PUS10: variants seen among roughly 807,000 people sequenced by gnomAD.
PUS10 encodes the protein pseudouridine synthase 10.
PUS10 carries 59 observed loss-of-function variants against 75.0 expected under a neutral mutation model. That is an observed-to-expected ratio of 0.79 (90% CI 0.64 to 0.98). The LOEUF is 0.98. PUS10 is among the 50% of genes least tolerant of loss of function. The pLI is 0.00. For synonymous variants in PUS10, 219 were observed against 211.6 expected (o/e 1.03, Z -0.30); for missense variants, 650 against 614.4 (o/e 1.06, Z -0.61).
intron 6 of PUS10, chr2:60,966,615 C>T (rs1676358972): frequency 6.6e-6 from 1 of 152,272 alleles, no homozygotes; most frequent in Non-Finnish European, 1.5e-5. Flanking sequence ...AAATATTTTG[C>T]ATTAATGACT....
At chr2:60,960,661 A>G (rs190387889) in intron 10 of PUS10, 144 bp from the exon 11 acceptor site, 12 of 618,846 alleles carry the variant, frequency 1.9e-5, no homozygotes, top group African/African-American at 9.8e-5. Flanking sequence ...TAACAATCCA[A>G]TTTGGAGACC....
At chr2:61,016,633 G>A (rs755183765) in intron 1 of PUS10, among the ~76,000 whole-genome samples, 35 of 152,236 alleles carry the variant, frequency 2.3e-4, no homozygotes, top group Admixed American at 7.2e-4. Context: ...GGCTCCCTAG[G>A]AGGACTGAAT....
chr2:60,984,332 G>C (rs1194450642), intron 4 of PUS10, among the ~76,000 whole-genome samples: 2 of 152,120 alleles, frequency 1.3e-5, no homozygotes, highest in Non-Finnish European at 2.9e-5. Flanking sequence ...CATATAAAAA[G>C]ATGTAAAAGT....
At chr2:60,948,269 T>C (rs1675113790) in intron 15 of PUS10, 84 bp from the exon 16 acceptor site, 2 of 1,333,836 alleles carry the variant, frequency 1.5e-6, no homozygotes, top group African/African-American at 2.9e-5. Context: ...TCACCATCCA[T>C]AGCTCACCAC....
Position 60,965,415 on chromosome 2 carries a change from C to T in PUS10, c.677+8G>A, listed in dbSNP as rs1558902797. ...TACACCATTGACGTTGTTTACATGG[C>T]AACTTACAGGAAGTGGCAATCCTCA... On this transcript the variant is annotated splice_region_variant and intron_variant, in intron 7 of 17. Transcript: ENST00000316752. 2.5e-6 allele frequency: 4 copies of T among 1,607,306 alleles called. No individual in the cohort carries two copies. The Admixed American group carries it at 6.8e-5, about 27-fold the overall frequency.
chr2:60,989,903 G>T (rs773782333), intron 4 of PUS10, among the ~76,000 whole-genome samples: 2 of 152,062 alleles, frequency 1.3e-5, no homozygotes, highest in African/African-American at 2.4e-5. Flanking sequence ...AAGATTACAG[G>T]CATGAGCCAC....
intron 5 of PUS10, among the ~76,000 whole-genome samples, chr2:60,968,697 A>G (rs1676489284): frequency 6.6e-6 from 1 of 152,152 alleles, no homozygotes; most frequent in Non-Finnish European, 1.5e-5. Context: ...TAAAAAAAAG[A>G]AAGAAGTAGT....
intron 15 of PUS10, among the ~76,000 whole-genome samples, chr2:60,948,731 T>C (rs992279456): frequency 3.3e-5 from 5 of 152,232 alleles, no homozygotes; most frequent in Non-Finnish European, 7.3e-5. Flanking sequence ...TTAGCCCAGC[T>C]TGCAACTAAT....
Position 60,959,872 on chromosome 2 carries a change from A to C in PUS10, c.1000+520T>G, listed in dbSNP as rs1377492814. 2.0e-5 allele frequency among the ~76,000 whole-genome samples: 3 copies of C among 152,088 alleles called. No homozygotes were observed. In the East Asian group the frequency reaches 5.8e-4, roughly 29 times the overall value. On this transcript the variant is annotated intron_variant, in intron 11 of 17. Coordinates refer to ENST00000316752, the MANE Select transcript of PUS10 (RefSeq NM_144709.4). ...CCTGCCACCCCCAAGAAATCTATTC[A>C]TGAATGTCAGTGTATTAAATATATG...
intron 4 of PUS10, among the ~76,000 whole-genome samples, chr2:61,003,461 C>CAAAA (rs1315443074): frequency 2.8e-5 from 2 of 71,058 alleles, no homozygotes; most frequent in Non-Finnish European, 2.9e-5. Context: ...GACCCTGTCT[C>CAAAA]AAAAAAAAAA....
chr2:60,957,260 A>G (rs1244429309), intron 11 of PUS10, among the ~76,000 whole-genome samples: 5 of 152,194 alleles, frequency 3.3e-5, no homozygotes, highest in African/African-American at 1.2e-4. Flanking sequence ...ATGATCAGGA[A>G]CTATAAGTGG....
intron 6 of PUS10, chr2:60,966,288 G>C (rs1269782374): frequency 2.0e-5 from 3 of 152,016 alleles, no homozygotes; most frequent in Non-Finnish European, 4.4e-5. Flanking sequence ...CCTCCATGGA[G>C]AATATACAAA....
chr2:60,960,168 A>AAG (rs1051821050), intron 11 of PUS10, among the ~76,000 whole-genome samples: 5 of 148,014 alleles, frequency 3.4e-5, no homozygotes, highest in East Asian at 1.9e-4. Context: ...AAAAAAAAAA[A>AAG]AGAGAGAGAG....
intron 4 of PUS10, among the ~76,000 whole-genome samples, chr2:60,998,359 AT>A (rs1169941159): frequency 6.6e-6 from 1 of 152,182 alleles, no homozygotes; most frequent in Non-Finnish European, 1.5e-5. Flanking sequence ...TTAAGTAAAA[AT>A]CCAAAGCCAT....
In PUS10 at chr2:61,008,964, T is replaced by A; in HGVS notation, c.178A>T (p.Ile60Phe). Residue 60 changes from isoleucine (I) to phenylalanine (F), a missense_variant, in exon 3 of 18, where the codon ATT becomes TTT. By Grantham distance (21) the Ile-to-Phe change is conservative. Coordinates refer to ENST00000316752, the MANE Select transcript of PUS10 (RefSeq NM_144709.4). ...GGAGGTGGGTTCATAACTTCCAAAA[T>A]TAATTCATCTTTTTCAGTTTCCAGA... is the stretch of plus-strand genomic sequence containing the variant. Reference protein sequence around the residue: ...KFLETEKDELILEVMNPPPKK... With the variant: ...KFLETEKDELFLEVMNPPPKK... 2.5e-6 allele frequency: 4 copies of A among 1,612,738 alleles called. No homozygotes were observed. The highest frequency in any genetic ancestry group is 3.4e-6 in the Non-Finnish European group (4 of 1,179,374).
At chr2:60,988,983 G>C (rs1677899917) in intron 4 of PUS10, among the ~76,000 whole-genome samples, 1 of 151,992 alleles carries the variant, frequency 6.6e-6, no homozygotes, top group Non-Finnish European at 1.5e-5. Flanking sequence ...GCAGTACAGA[G>C]GTTTGTTAAA....
intron 4 of PUS10, among the ~76,000 whole-genome samples, chr2:60,982,718 A>T (rs1677475304): frequency 1.3e-5 from 2 of 152,168 alleles, no homozygotes; most frequent in Admixed American, 1.3e-4. Context: ...GCGTAAGAAA[A>T]CCTCACAGTT....
intron 4 of PUS10, among the ~76,000 whole-genome samples, chr2:60,999,521 A>G (rs1244002161): frequency 1.3e-5 from 2 of 152,140 alleles, no homozygotes; most frequent in Non-Finnish European, 2.9e-5. Context: ...CAGGAAGGTG[A>G]GGCGGGAGGA....
chr2:60,956,974 C>CAAAAAAAAAA (rs56804354), intron 11 of PUS10, among the ~76,000 whole-genome samples: 25 of 19,242 alleles, frequency 1.3e-3, no homozygotes, highest in Non-Finnish European at 1.7e-3. Context: ...GACTCCATCT[C>CAAAAAAAAAA]AAAAAAAAAA....
Sources: allele counts gnomAD v4.1 joint callset (sites outside exome capture counted in the v4.1 genomes callset), GRCh38; gene constraint gnomAD v4.1.1; transcripts MANE v1.5; gene names NCBI Gene and HGNC (gene_info 2026-07-23, HGNC 2026-07-21).